HEMK2: variants seen among roughly 807,000 people sequenced by gnomAD.
HEMK2 encodes methyltransferase HEMK2.
At chr21:28,866,441 T>TC in the HEMK2 span, among the ~76,000 whole-genome samples, 4 of 54,708 alleles carry the variant, frequency 7.3e-5, no homozygotes, top group African/African-American at 2.4e-4. Flanking sequence ...AGAGTGAGAC[T>TC]CCATCTCAAA....
At chr21:28,755,830 T>C in the HEMK2 span, among the ~76,000 whole-genome samples, 9 of 152,222 alleles carry the variant, frequency 5.9e-5, no homozygotes, top group Non-Finnish European at 8.8e-5. Context: ...CTGGTCAATC[T>C]ACTGATGGAT....
At chr21:28,763,800 C>T in the HEMK2 span, among the ~76,000 whole-genome samples, 1 of 152,084 alleles carries the variant, frequency 6.6e-6, no homozygotes, top group Non-Finnish European at 1.5e-5. Flanking sequence ...GTGATTGGTG[C>T]TTCCAAACCA....
chr21:28,807,397 A>G, the HEMK2 span, among the ~76,000 whole-genome samples: 1 of 152,220 alleles, frequency 6.6e-6, no homozygotes. Flanking sequence ...CCTGGGAGAC[A>G]CATTCTGAGG....
the HEMK2 span, chr21:28,875,867 C>T: frequency 6.6e-6 from 1 of 152,194 alleles, no homozygotes; most frequent in Non-Finnish European, 1.5e-5. Flanking sequence ...AATGTCTTTC[C>T]ACTAAGTCTA....
At chr21:28,620,660 CTTTTTTTTTTTTTTTTTTTTTTTTTTTTT>C in the HEMK2 span, among the ~76,000 whole-genome samples, 1 of 49,642 alleles carries the variant, frequency 2.0e-5, no homozygotes, top group Non-Finnish European at 3.3e-5. Flanking sequence ...TCTCTCTTTT[CTTTTTTTTTTTTTTTTTTTTTTTTTTTTT>C]TTGAGACAGA....
the HEMK2 span, among the ~76,000 whole-genome samples, chr21:28,631,040 CCAAA>C: frequency 1.3e-5 from 2 of 152,046 alleles, no homozygotes; most frequent in African/African-American, 2.4e-5. Flanking sequence ...ATGAATCTCC[CCAAA>C]CAAAGTATGT....
At chr21:28,689,952 C>T in the HEMK2 span, among the ~76,000 whole-genome samples, 1 of 152,076 alleles carries the variant, frequency 6.6e-6, no homozygotes, top group Non-Finnish European at 1.5e-5. Context: ...AAGACATACC[C>T]AAAACTGGGT....
chr21:28,633,257 A>G, the HEMK2 span, among the ~76,000 whole-genome samples: 2 of 152,210 alleles, frequency 1.3e-5, no homozygotes, highest in Non-Finnish European at 2.9e-5. Context: ...GCCTGCCAGC[A>G]CTAGTGTGCA....
At chr21:28,879,535 C>A in the HEMK2 span, among the ~76,000 whole-genome samples, 1 of 152,138 alleles carries the variant, frequency 6.6e-6, no homozygotes, top group Admixed American at 6.5e-5. Context: ...CCATTGCACT[C>A]GGCCAGTTAA....
the HEMK2 span, among the ~76,000 whole-genome samples, chr21:28,594,831 A>T: frequency 1.3e-5 from 2 of 152,224 alleles, no homozygotes; most frequent in Non-Finnish European, 2.9e-5. Flanking sequence ...AGAGCCATTC[A>T]GCATTTACCA....
the HEMK2 span, among the ~76,000 whole-genome samples, chr21:28,764,304 A>G: frequency 5.8e-4 from 88 of 152,208 alleles, no homozygotes; most frequent in Non-Finnish European, 1.0e-3. Flanking sequence ...CATATTTGCT[A>G]TGTGGAAAAG....
the HEMK2 span, chr21:28,882,870 GT>G: frequency 1.6e-6 from 1 of 614,366 alleles, no homozygotes; most frequent in Non-Finnish European, 2.6e-6. Context: ...TGTAATCTGA[GT>G]TTTTGCTATG....
the HEMK2 span, among the ~76,000 whole-genome samples, chr21:28,645,011 G>A: frequency 6.6e-6 from 1 of 152,102 alleles, no homozygotes; most frequent in Admixed American, 6.6e-5. Flanking sequence ...ATGCCCTTGG[G>A]GTAGGAGTGC....
the HEMK2 span, among the ~76,000 whole-genome samples, chr21:28,767,576 C>T: frequency 6.6e-6 from 1 of 152,022 alleles, no homozygotes; most frequent in African/African-American, 2.4e-5. Context: ...ATTATGCTAA[C>T]TGGCATAATA....
chr21:28,729,778 C>T, the HEMK2 span, among the ~76,000 whole-genome samples: 1 of 152,172 alleles, frequency 6.6e-6, no homozygotes, highest in East Asian at 1.9e-4. Flanking sequence ...GAAATTCTTG[C>T]AAGAAACTAA....
chr21:28,719,758 G>A, the HEMK2 span, among the ~76,000 whole-genome samples: 14 of 152,210 alleles, frequency 9.2e-5, no homozygotes, highest in African/African-American at 1.7e-4. Context: ...CCAAATACAC[G>A]GAAAGCATCT....
the HEMK2 span, among the ~76,000 whole-genome samples, chr21:28,645,671 G>A: frequency 7.2e-5 from 11 of 152,254 alleles, no homozygotes; most frequent in East Asian, 1.9e-3. Context: ...ATTAGCAGGT[G>A]GGGACTTTGG....
At chr21:28,797,491 T>C in the HEMK2 span, among the ~76,000 whole-genome samples, 1 of 124,276 alleles carries the variant, frequency 8.0e-6, no homozygotes, top group African/African-American at 3.3e-5. Flanking sequence ...GCTGTGTGCC[T>C]GTGGTCCCAG....
chr21:28,858,146 G>A, the HEMK2 span, among the ~76,000 whole-genome samples: 2 of 152,162 alleles, frequency 1.3e-5, no homozygotes, highest in East Asian at 3.9e-4. Context: ...AATTTAAGCT[G>A]TTAACACTGC....
Sources: gnomAD v4.1 joint callset for allele counts (sites outside exome capture counted in the v4.1 genomes callset) on GRCh38, gnomAD v4.1.1 for gene constraint, MANE v1.5 for transcripts, NCBI Gene and HGNC (gene_info 2026-07-23, HGNC 2026-07-21) for gene names.